The following LEPR variants were observed in gnomAD, a reference collection of about 807,000 sequenced individuals.
LEPR encodes the protein leptin receptor, also known as OB receptor.
Under a neutral mutation model 114.7 loss-of-function variants are expected in LEPR, and 56 were observed. The observed-to-expected ratio is 0.49, with a 90% CI of 0.39 to 0.61. The LOEUF (loss-of-function observed/expected upper bound fraction) is 0.61, where lower values mean the gene tolerates loss of function less well. LEPR is among the 20% of genes least tolerant of loss of function. The pLI, the probability that LEPR is intolerant of heterozygous loss-of-function variation, is 0.00. For synonymous variants in LEPR, 443 were observed against 461.4 expected, an observed-to-expected ratio of 0.96 and a Z score of 0.51; for missense variants, 1,202 against 1,352.9, an observed-to-expected ratio of 0.89 and a Z score of 1.75.
chr1:65,587,562 T>C (rs1227197292), intron 5 of LEPR, among the ~76,000 whole-genome samples: 8 of 152,046 alleles, frequency 5.3e-5, no homozygotes, highest in South Asian at 2.1e-4. Context: ...TTCAGGAACC[T>C]GAGGCTCACA....
chr1:65,461,173 C>T (rs1437404726), intron 2 of LEPR, among the ~76,000 whole-genome samples: 3 of 151,656 alleles, frequency 2.0e-5, no homozygotes, highest in African/African-American at 7.3e-5. Flanking sequence ...TGGGGTTTTA[C>T]CATGTTGGCC....
At chr1:65,609,883 T>G (rs778310691) in intron 12 of LEPR, 64 bp from the exon 13 acceptor site, 126 of 1,608,296 alleles carry the variant, frequency 7.8e-5, no homozygotes, top group Non-Finnish European at 1.0e-4. Context: ...AAAATGTACT[T>G]CAGGGCCCTT....
chr1:65,512,567 CA>C (rs141336623), intron 2 of LEPR, among the ~76,000 whole-genome samples: 1,966 of 152,290 alleles, frequency 0.013, 40 homozygotes, highest in African/African-American at 0.045. Flanking sequence ...AGCAGGGCAT[CA>C]GGGGCCAGGA....
At chr1:65,543,512 C>A (rs1651401306) in intron 2 of LEPR, among the ~76,000 whole-genome samples, 1 of 151,930 alleles carries the variant, frequency 6.6e-6, no homozygotes, top group Non-Finnish European at 1.5e-5. Context: ...GTTGCCATTG[C>A]TTTTGATGTT....
At chr1:65,621,331 G>A (rs762206184) in intron 17 of LEPR, 22 bp from the exon 18 acceptor site, 25 of 1,597,568 alleles carry the variant, frequency 1.6e-5, no homozygotes, top group Admixed American at 3.3e-5. Flanking sequence ...TCTGAGTTGT[G>A]TAAATTGTAT....
chr1:65,594,073 C>G (rs1655883056), intron 6 of LEPR, among the ~76,000 whole-genome samples: 2 of 151,694 alleles, frequency 1.3e-5, no homozygotes, highest in South Asian at 4.2e-4. Context: ...TATAATATCC[C>G]CAAATTATAT....
intron 1 of LEPR, among the ~76,000 whole-genome samples, chr1:65,423,828 A>AATTTG (rs780240664): frequency 2.0e-5 from 3 of 152,162 alleles, no homozygotes; most frequent in Non-Finnish European, 4.4e-5. Flanking sequence ...TTCAGAAGAA[A>AATTTG]ATTTGGATAA....
chr1:65,435,965 A>G (rs1355272154), intron 2 of LEPR: 8 of 985,036 alleles, frequency 8.1e-6, no homozygotes, highest in Non-Finnish European at 8.4e-6. Flanking sequence ...GTGATGTGAG[A>G]GGACGATTAC....
chr1:65,532,264 G>A (rs779773023), intron 2 of LEPR, among the ~76,000 whole-genome samples: 1 of 152,162 alleles, frequency 6.6e-6, no homozygotes, highest in Admixed American at 6.5e-5. Flanking sequence ...TAACTTGGAG[G>A]TCTAAGTTCA....
chr1:65,421,407 C>T (rs764310438), intron 1 of LEPR: 19 of 1,535,952 alleles, frequency 1.2e-5, no homozygotes, highest in Middle Eastern at 3.3e-4. Context: ...ATCTGTATGG[C>T]TTCAGAGCAA....
At chr1:65,441,346 C>G (rs1404744272) in intron 2 of LEPR, among the ~76,000 whole-genome samples, 1 of 152,110 alleles carries the variant, frequency 6.6e-6, no homozygotes, top group Admixed American at 6.5e-5. Context: ...CTGAAACATA[C>G]AGGTGGTGAC....
intron 1 of LEPR, chr1:65,421,514 A>G: frequency 6.5e-7 from 1 of 1,532,952 alleles, no homozygotes; most frequent in Non-Finnish European, 8.7e-7. Context: ...ACTTGTTTTT[A>G]TATTGGCTTT....
intron 8 of LEPR, among the ~76,000 whole-genome samples, chr1:65,599,613 A>G (rs578172383): frequency 6.6e-6 from 1 of 152,318 alleles, no homozygotes; most frequent in South Asian, 2.1e-4. Context: ...AGAAGTTTAT[A>G]GGAGTTCTGG....
intron 2 of LEPR, among the ~76,000 whole-genome samples, chr1:65,545,927 T>A (rs1225336495): frequency 1.3e-5 from 2 of 151,902 alleles, no homozygotes; most frequent in East Asian, 3.9e-4. Flanking sequence ...CTTCTAGGGT[T>A]TTTATGGTTT....
intron 10 of LEPR, among the ~76,000 whole-genome samples, chr1:65,604,515 C>G (rs1656679202): frequency 6.6e-6 from 1 of 152,078 alleles, no homozygotes; most frequent in South Asian, 2.1e-4. Flanking sequence ...CAGGGTTTCC[C>G]CATGTTGCCC....
intron 2 of LEPR, among the ~76,000 whole-genome samples, chr1:65,523,482 T>G (rs1370067806): frequency 2.0e-5 from 3 of 152,076 alleles, no homozygotes. Flanking sequence ...AGCTAATTTT[T>G]GTATTTTTAA....
At chr1:65,430,751 A>T (rs1055778040) in intron 2 of LEPR, among the ~76,000 whole-genome samples, 7 of 152,214 alleles carry the variant, frequency 4.6e-5, no homozygotes, top group African/African-American at 1.7e-4. Flanking sequence ...AATAAGAAAT[A>T]GGTACTGTCT....
intron 2 of LEPR, among the ~76,000 whole-genome samples, chr1:65,487,021 A>G (rs1012337802): frequency 1.3e-5 from 2 of 152,146 alleles, no homozygotes; most frequent in Non-Finnish European, 2.9e-5. Context: ...CAGTTTATTC[A>G]ATCTAATATA....
intron 3 of LEPR, among the ~76,000 whole-genome samples, chr1:65,569,996 G>C (rs1654044882): frequency 6.6e-6 from 1 of 152,090 alleles, no homozygotes; most frequent in Admixed American, 6.6e-5. Flanking sequence ...CTCAGCGAAA[G>C]CAGTGTTAAT....
Sources: gnomAD v4.1 joint callset for allele counts (sites outside exome capture counted in the v4.1 genomes callset) on GRCh38, gnomAD v4.1.1 for gene constraint, MANE v1.5 for transcripts, NCBI Gene and HGNC (gene_info 2026-07-23, HGNC 2026-07-21) for gene names.